Variants in TRAF3IP3 observed in about 807,000 individuals in gnomAD.
TRAF3IP3 encodes the protein TRAF3 interacting protein 3.
Under a neutral mutation model 86.5 loss-of-function variants are expected in TRAF3IP3, and 64 were observed. The ratio of observed to expected loss-of-function variants is 0.74; its 90% CI spans 0.60 to 0.91. The LOEUF (loss-of-function observed/expected upper bound fraction) is 0.91. Ranked by LOEUF, TRAF3IP3 falls within the 40% of genes least tolerant of loss-of-function variation. The pLI is 0.00. For missense variants in TRAF3IP3, 579 were observed against 642.9 expected (o/e 0.90, Z 1.07); for synonymous variants, 220 against 243.9 (o/e 0.90, Z 0.91).
At chr1:209,777,616 A>G in intron 12 of TRAF3IP3, 129 bp downstream of exon 12, 1 of 1,009,926 alleles carries the variant, frequency 9.9e-7, no homozygotes, top group East Asian at 2.7e-5. Flanking sequence ...TGGCTTTATA[A>G]TCTCATTTTA....
At chr1:209,767,671 T>A (rs1205361065) in intron 8 of TRAF3IP3, among the ~76,000 whole-genome samples, 1 of 150,136 alleles carries the variant, frequency 6.7e-6, no homozygotes, top group South Asian at 2.1e-4. Flanking sequence ...CAAGACCCTG[T>A]CTTGAAAAAA....
At chr1:209,776,487 A>T (rs1262129378) in intron 11 of TRAF3IP3, 1 of 152,228 alleles carries the variant, frequency 6.6e-6, no homozygotes, top group Non-Finnish European at 1.5e-5. Context: ...GAGACAGAGT[A>T]TGTGAGTCTT....
In TRAF3IP3 at chr1:209,780,481, C is replaced by A; in HGVS notation, c.1324C>A (p.Pro442Thr). ...GGCTGCTTTTTTAGATCAGGCTTTG[C>A]CCGTGTGGAGTCCAAAGTCCTTCCC... The part of the protein sequence containing the change: ...KLLTKKDQAL[P>T]VWSPKSFPNE... The change falls in exon 15 of 17, where the codon CCC becomes ACC. Residue 442 changes from proline (P) to threonine (T), a missense_variant. Pro to Thr is a conservative substitution (Grantham distance 38). Transcript: ENST00000367025. 6.3e-7 allele frequency: 1 copy of A among 1,590,964 alleles called. No homozygotes were observed. Among genetic ancestry groups the A allele is most frequent in the Non-Finnish European group, 8.6e-7 (1 of 1,167,528 alleles).
Position 209,779,573 on chromosome 1 carries a change from T to C in TRAF3IP3, c.1312+199T>C, listed in dbSNP as rs75759415. ...CTAGTTAGCCTTCTATCTTGAGGTA[T>C]ATAAACTGTGAAAAAGGGTTTCTAT... On this transcript the variant is annotated intron_variant, in intron 14 of 16. Coordinates refer to ENST00000367025, the MANE Select transcript of TRAF3IP3 (RefSeq NM_025228.4). The C allele has an allele frequency of 3.9e-3, 2,726 of 691,794 alleles. 51 individuals carry two copies. The highest frequency in any genetic ancestry group is 0.038 in the African/African-American group (2,155 of 56,126). The allele number at this position is 691,794 out of a possible 1,614,324, so 42.9% of individuals were successfully genotyped here. A position where few individuals can be genotyped will look rare whatever the true frequency, so the allele number is the denominator to read the frequency against.
At position 209,763,553 on chromosome 1, in the gene TRAF3IP3, C is replaced by T. The variant is rs1238490590; in HGVS notation, c.668C>T (p.Ser223Phe). ...QKMVILQDLLSTLIQASDSSW... is the reference protein window; with the variant it reads ...QKMVILQDLLFTLIQASDSSW... ...ATGGTGATTCTCCAAGACCTACTGT[C>T]CACTCTGATTCAGGCCTCTGACAGC... is the stretch of plus-strand genomic sequence containing the variant. Residue 223 changes from serine (S) to phenylalanine (F), a missense_variant, in exon 8 of 17, where the codon TCC (serine) becomes TTC (phenylalanine). Ser to Phe is a radical substitution (Grantham distance 155). Transcript: ENST00000367025. The T allele has an allele frequency of 6.2e-7, 1 of 1,614,176 alleles. No individual in the cohort carries two copies. Among genetic ancestry groups the T allele is most frequent in the South Asian group, 1.1e-5 (1 of 91,082 alleles).
chr1:209,756,944 G>A (rs1175753935), intron 1 of TRAF3IP3, among the ~76,000 whole-genome samples: 1 of 152,176 alleles, frequency 6.6e-6, no homozygotes, highest in Non-Finnish European at 1.5e-5. Flanking sequence ...CCTGAGAGAT[G>A]CCAGAAAGCC....
At chr1:209,768,613 G>A (rs1440303387) in intron 8 of TRAF3IP3, 18 of 985,756 alleles carry the variant, frequency 1.8e-5, no homozygotes, top group Non-Finnish European at 1.9e-5. Flanking sequence ...TCAGAGGCAG[G>A]GGAAAACCAC....
chr1:209,758,858 G>A (rs1324767682), intron 1 of TRAF3IP3, 176 bp from the exon 2 acceptor site: 1 of 152,734 alleles, frequency 6.5e-6, no homozygotes, highest in East Asian at 1.9e-4. Flanking sequence ...ACAGAAGGTA[G>A]GTGGGGAAGA....
intron 8 of TRAF3IP3, chr1:209,768,060 C>T: frequency 4.6e-6 from 4 of 871,734 alleles, no homozygotes; most frequent in Non-Finnish European, 5.5e-6. Flanking sequence ...ATTGTTTCCC[C>T]TAAAATAAGG....
rs545413984 is a variant in TRAF3IP3, at chr1:209,768,729, G to A, written c.703-4219G>A. 5.3e-5 allele frequency: 52 copies of A among 978,274 alleles called. No individual in the cohort carries two copies. The South Asian group carries it at 1.8e-3, about 34-fold the overall frequency. 60.6% of individuals were successfully genotyped at this position (978,274 alleles called of 1,614,324 possible). ...TATGCCCTCTGAGCCCTCGGCTCCC[G>A]GGGTCTAACTGCCTAGAATGTCAGC... On this transcript the variant is annotated intron_variant, in intron 8 of 16. Transcript: ENST00000367025.
intron 8 of TRAF3IP3, among the ~76,000 whole-genome samples, chr1:209,767,071 G>C (rs1198654798): frequency 6.6e-6 from 1 of 152,198 alleles, no homozygotes; most frequent in Non-Finnish European, 1.5e-5. Context: ...GTATGCCAGA[G>C]TAGTACCAAA....
At chr1:209,765,215 G>A (rs368930467) in intron 8 of TRAF3IP3, among the ~76,000 whole-genome samples, 5,503 of 106,530 alleles carry the variant, frequency 0.052, 840 homozygotes, top group African/African-American at 0.15. Context: ...GAGAGAGAGG[G>A]AGAGAGAGAG....
intron 11 of TRAF3IP3, chr1:209,776,756 C>T (rs2077663259): frequency 6.6e-6 from 1 of 152,136 alleles, no homozygotes; most frequent in Admixed American, 6.5e-5. Context: ...ACCAAAGTGT[C>T]AAGACATGAC....
rs753022343 is a variant in TRAF3IP3, at chr1:209,777,392, G to T, written c.1094G>T (p.Arg365Leu). Residue 365 changes from arginine (R) to leucine (L), a missense_variant, in exon 12 of 17, where the codon CGA (arginine) becomes CTA (leucine). Coordinates refer to ENST00000367025, the MANE Select transcript of TRAF3IP3 (RefSeq NM_025228.4). ...SRDLQMNQAL[R>L]FLENEHQQLQ... ...GACTTACAGATGAACCAGGCCCTGCGATTTTTGGAAAATGAGCACCAGCAA... is the reference window on the plus strand; with the variant it reads ...GACTTACAGATGAACCAGGCCCTGCTATTTTTGGAAAATGAGCACCAGCAA... The T allele has an allele frequency of 6.2e-7, 1 of 1,613,948 alleles. No individual in the cohort carries two copies. The highest frequency in any genetic ancestry group is 8.5e-7 in the Non-Finnish European group (1 of 1,180,000).
rs1309481874 is a variant in TRAF3IP3 at position 209,763,505 on chromosome 1, G to C, written c.620G>C (p.Arg207Thr). Residue 207 changes from arginine (R) to threonine (T), a missense_variant, in exon 8 of 17, where the codon AGG (arginine) becomes ACG (threonine). Transcript: ENST00000367025. ...LSDYLKEALQ[R>T]ELVLKQKMVI... ...CCGCACCCCCAGGAGGCCCTACAAAGGGAGCTGGTCCTAAAACAGAAAATG... is the reference window on the plus strand; with the variant it reads ...CCGCACCCCCAGGAGGCCCTACAAACGGAGCTGGTCCTAAAACAGAAAATG... 6.2e-7 allele frequency: 1 copy of C among 1,614,164 alleles called. No individual in the cohort carries two copies. Among genetic ancestry groups the C allele is most frequent in the Non-Finnish European group, 8.5e-7 (1 of 1,180,032 alleles).
At chr1:209,775,790 T>C in intron 11 of TRAF3IP3, 54 bp downstream of exon 11, 4 of 1,529,640 alleles carry the variant, frequency 2.6e-6, no homozygotes, top group Non-Finnish European at 2.6e-6. Context: ...GGAGGGATGG[T>C]GATGAAAGAA....
rs778043887 is a variant in TRAF3IP3 at position 209,772,949 on chromosome 1, G to C, written c.704G>C (p.Gly235Ala). 1 of 1,613,822 alleles carries C rather than the reference G, an allele frequency of 6.2e-7. No individual in the cohort carries two copies. The highest frequency in any genetic ancestry group is 8.5e-7 in the Non-Finnish European group (1 of 1,179,896). The change falls in exon 9 of 17, where the codon GGA becomes GCA. Residue 235 changes from glycine to alanine, a missense_variant and splice_region_variant. Physicochemically the swap from Gly to Ala is moderately conservative, Grantham distance 60. Coordinates refer to ENST00000367025, the MANE Select transcript of TRAF3IP3 (RefSeq NM_025228.4). ...LIQASDSSWK[G>A]QLNEDKLKGK... The stretch of plus-strand genomic sequence containing the variant: ...ATTAACTCATCCCATTTGCTCCAGG[G>C]ACAGCTTAATGAAGACAAACTGAAG...
At chr1:209,757,808 T>G (rs528579039) in intron 1 of TRAF3IP3, among the ~76,000 whole-genome samples, 1 of 152,238 alleles carries the variant, frequency 6.6e-6, no homozygotes, top group Non-Finnish European at 1.5e-5. Context: ...TATTAAAAGG[T>G]AACATTTATT....
intron 1 of TRAF3IP3, among the ~76,000 whole-genome samples, 166 bp downstream of exon 1, chr1:209,756,475 T>C (rs1296907487): frequency 1.3e-5 from 2 of 152,236 alleles, no homozygotes; most frequent in East Asian, 3.8e-4. Flanking sequence ...ATTGGTTTCC[T>C]GTGGCGCTAG....
Sources: gnomAD v4.1 joint callset for allele counts (sites outside exome capture counted in the v4.1 genomes callset) on GRCh38, gnomAD v4.1.1 for gene constraint, MANE v1.5 for transcripts, NCBI Gene and HGNC (gene_info 2026-07-23, HGNC 2026-07-21) for gene names.